Variants in FTO observed in about 807,000 individuals in gnomAD.
FTO encodes alpha-ketoglutarate-dependent dioxygenase FTO.
Under a neutral mutation model 63.9 loss-of-function variants are expected in FTO, and 47 were observed. The observed-to-expected ratio is 0.74, with a 90% CI of 0.58 to 0.94. FTO has a LOEUF of 0.94. Among genes scored for constraint, FTO ranks in the 40% least tolerant of loss-of-function variants. FTO has a pLI of 0.00. For synonymous variants in FTO, 207 were observed against 224.4 expected (o/e 0.92, Z 0.69); for missense variants, 562 against 618.1 (o/e 0.91, Z 0.96).
At chr16:53,755,464 C>T (rs1284014374) in intron 1 of FTO, among the ~76,000 whole-genome samples, 1 of 152,152 alleles carries the variant, frequency 6.6e-6, no homozygotes, top group Non-Finnish European at 1.5e-5. Flanking sequence ...ACTTCAAACA[C>T]TCTGTTGTCA....
intron 1 of FTO, among the ~76,000 whole-genome samples, chr16:53,716,885 C>T (rs745866261): frequency 3.3e-5 from 5 of 150,012 alleles, no homozygotes; most frequent in Non-Finnish European, 5.9e-5. Flanking sequence ...TGTTATTATG[C>T]TTATATATAA....
At chr16:53,756,994 G>A (rs1075440) in intron 1 of FTO, among the ~76,000 whole-genome samples, 109,734 of 152,048 alleles carry the variant, frequency 0.72, 40,745 homozygotes, top group African/African-American at 0.89. Flanking sequence ...GCTAATAGGT[G>A]TATAGCCAGG....
chr16:53,804,416 G>A (rs563052645), intron 1 of FTO, among the ~76,000 whole-genome samples: 12 of 152,240 alleles, frequency 7.9e-5, no homozygotes, highest in Middle Eastern at 6.8e-3. Flanking sequence ...GTACCGCATC[G>A]AGGAAGTGAA....
rs775431009 is a variant in FTO at position 53,810,113 on chromosome 16, T to C, written c.46-27T>C. Reference sequence around the variant, plus strand: ...TTACTTTGGGTTATTGCATATTCACTTATATGTAATTATTATTTTCAAACA... The same window carrying C: ...TTACTTTGGGTTATTGCATATTCACCTATATGTAATTATTATTTTCAAACA... On this transcript the variant is annotated intron_variant, in intron 1 of 8. Coordinates refer to ENST00000471389, the MANE Select transcript of FTO (RefSeq NM_001080432.3). 7 of 1,496,782 alleles carry C rather than the reference T, an allele frequency of 4.7e-6. No homozygotes were observed. In the Admixed American group the frequency reaches 1.2e-4, roughly 25 times the overall value. 92.7% of individuals were successfully genotyped at this position (1,496,782 alleles called of 1,614,324 possible). A position where few individuals can be genotyped will look rare whatever the true frequency, so the allele number is the denominator to read the frequency against.
chr16:53,883,039 C>T (rs77387113), intron 6 of FTO, among the ~76,000 whole-genome samples: 1,800 of 152,286 alleles, frequency 0.012, 30 homozygotes, highest in African/African-American at 0.04. Flanking sequence ...GGAAAGAATA[C>T]ATTTATGGGC....
chr16:54,050,162 G>A (rs2085280673), intron 8 of FTO, among the ~76,000 whole-genome samples: 1 of 152,068 alleles, frequency 6.6e-6, no homozygotes, highest in Admixed American at 6.5e-5. Flanking sequence ...CTTTGACCCT[G>A]ATTTTAAGGA....
intron 1 of FTO, among the ~76,000 whole-genome samples, chr16:53,732,603 G>A (rs907185462): frequency 9.9e-5 from 15 of 152,158 alleles, no homozygotes; most frequent in African/African-American, 1.4e-4. Context: ...ATTAGCAGTC[G>A]TGTCAACATG....
intron 4 of FTO, among the ~76,000 whole-genome samples, chr16:53,844,884 C>G (rs1273169566): frequency 3.3e-5 from 5 of 150,940 alleles, no homozygotes; most frequent in Non-Finnish European, 1.5e-5. Context: ...AAATACTTTC[C>G]TGTCCGTATT....
chr16:53,885,524 G>T (rs532414997), intron 6 of FTO, among the ~76,000 whole-genome samples: 22 of 152,308 alleles, frequency 1.4e-4, no homozygotes, highest in African/African-American at 5.3e-4. Flanking sequence ...AGTGGGAAAG[G>T]GTGGGCATGA....
At chr16:53,781,214 C>T (rs1316626105) in intron 1 of FTO, among the ~76,000 whole-genome samples, 3 of 152,156 alleles carry the variant, frequency 2.0e-5, no homozygotes, top group South Asian at 2.1e-4. Context: ...CCCAAGGCTA[C>T]GCAGCTACTA....
chr16:53,805,443 G>GTTTT (rs10552956), intron 1 of FTO, among the ~76,000 whole-genome samples: 1 of 109,662 alleles, frequency 9.1e-6, no homozygotes, highest in Non-Finnish European at 1.8e-5. Context: ...TTGAGTTGTG[G>GTTTT]TTTTTTTTTT....
At chr16:54,030,805 A>G (rs1371824980) in intron 8 of FTO, among the ~76,000 whole-genome samples, 1 of 152,236 alleles carries the variant, frequency 6.6e-6, no homozygotes, top group African/African-American at 2.4e-5. Flanking sequence ...ACAGTTCAAG[A>G]TAACAGTAGG....
intron 3 of FTO, among the ~76,000 whole-genome samples, chr16:53,828,900 T>A (rs77455635): frequency 3.3e-5 from 5 of 152,322 alleles, no homozygotes; most frequent in African/African-American, 9.6e-5. Flanking sequence ...TTTACTTTTT[T>A]AATTTTTTGA....
intron 4 of FTO, among the ~76,000 whole-genome samples, chr16:53,855,293 T>C (rs1014322299): frequency 1.4e-4 from 21 of 152,302 alleles, no homozygotes; most frequent in Admixed American, 1.0e-3. Context: ...TTCCTTTGCC[T>C]GGTTGCTCTG....
At chr16:54,040,895 G>A (rs543381820) in intron 8 of FTO, among the ~76,000 whole-genome samples, 1 of 152,138 alleles carries the variant, frequency 6.6e-6, no homozygotes, top group Non-Finnish European at 1.5e-5. Flanking sequence ...TATGCCTAAG[G>A]TGTGTGTTTT....
At chr16:53,784,495 A>G (rs886226445) in intron 1 of FTO, among the ~76,000 whole-genome samples, 2 of 152,194 alleles carry the variant, frequency 1.3e-5, no homozygotes, top group Non-Finnish European at 2.9e-5. Context: ...CTGACTTGGT[A>G]GAAAGATAGC....
At chr16:54,089,598 G>A (rs1285968627) in intron 8 of FTO, among the ~76,000 whole-genome samples, 1 of 152,240 alleles carries the variant, frequency 6.6e-6, no homozygotes. Context: ...GAAAAAAATA[G>A]CGTATAGAAT....
chr16:53,830,612 G>C (rs2079115985), intron 3 of FTO, among the ~76,000 whole-genome samples: 1 of 152,192 alleles, frequency 6.6e-6, no homozygotes, highest in South Asian at 2.1e-4. Context: ...AAGGAGCCAG[G>C]AAGGCAGCTG....
intron 8 of FTO, among the ~76,000 whole-genome samples, chr16:53,980,714 C>T (rs1419097154): frequency 6.6e-6 from 1 of 152,184 alleles, no homozygotes; most frequent in Non-Finnish European, 1.5e-5. Context: ...GCTTTTGCTC[C>T]AGTATTTAGG....
Sources: gnomAD v4.1 joint callset for allele counts (sites outside exome capture counted in the v4.1 genomes callset) on GRCh38, gnomAD v4.1.1 for gene constraint, MANE v1.5 for transcripts, NCBI Gene and HGNC (gene_info 2026-07-23, HGNC 2026-07-21) for gene names.